Variants in PAPPA2 observed in about 807,000 individuals in gnomAD.
PAPPA2 encodes pappalysin 2, also known as pappalysin-2.
Under a neutral mutation model 176.4 loss-of-function variants are expected in PAPPA2, and 86 were observed. The observed-to-expected ratio is 0.49, with a 90% CI of 0.41 to 0.58. The LOEUF (loss-of-function observed/expected upper bound fraction) is 0.58. PAPPA2 is among the 20% of genes least tolerant of loss of function. The pLI is 0.00. For synonymous variants in PAPPA2, 809 were observed against 852.2 expected (o/e 0.95, Z 0.88); for missense variants, 2,073 against 2,256.9 (o/e 0.92, Z 1.65).
At chr1:176,772,554 C>T (rs904617404) in intron 17 of PAPPA2, among the ~76,000 whole-genome samples, 1 of 152,130 alleles carries the variant, frequency 6.6e-6, no homozygotes, top group African/African-American at 2.4e-5. Context: ...GGCCCAGGCT[C>T]ATATGTGGGA....
intron 3 of PAPPA2, among the ~76,000 whole-genome samples, chr1:176,596,762 G>T (rs1654009251): frequency 6.6e-6 from 1 of 152,180 alleles, no homozygotes; most frequent in Admixed American, 6.5e-5. Context: ...TGTGTCTCTT[G>T]TTCTGAGACA....
chr1:176,709,298 A>T (rs1661031864), intron 10 of PAPPA2, among the ~76,000 whole-genome samples: 1 of 152,146 alleles, frequency 6.6e-6, no homozygotes, highest in Non-Finnish European at 1.5e-5. Context: ...TTAATGCTCT[A>T]TTGCTTACCT....
Position 176,739,698 on chromosome 1 carries a change from G to C in PAPPA2, c.3871G>C (p.Glu1291Gln). 1 of 1,613,674 alleles carries C rather than the reference G, an allele frequency of 6.2e-7. No individual in the cohort carries two copies. Among genetic ancestry groups the C allele is most frequent in the South Asian group, 1.1e-5 (1 of 91,064 alleles). Residue 1291 changes from glutamate (E) to glutamine (Q), a missense_variant, in exon 13 of 23, where the codon GAG becomes CAG. Around this residue, in one of 4 missense-constraint regions of PAPPA2, gnomAD observed 846 missense variants for 857.9 expected, o/e 0.99. Coordinates refer to ENST00000367662, the MANE Select transcript of PAPPA2 (RefSeq NM_020318.3). ...GACAACTGATGGCCTAGTTCCCGGA[G>C]AGCATCAGCAGCCGACAGTGACTCT... ...FLTTDGLVPG[E>Q]HQQPTVTLYL...
At chr1:176,646,895 A>G (rs1413359731) in intron 3 of PAPPA2, among the ~76,000 whole-genome samples, 1 of 151,624 alleles carries the variant, frequency 6.6e-6, no homozygotes, top group Non-Finnish European at 1.5e-5. Flanking sequence ...TCTCTTTGAT[A>G]TACTGATTTC....
At chr1:176,693,221 C>T (rs1391888678) in intron 6 of PAPPA2, among the ~76,000 whole-genome samples, 1 of 152,150 alleles carries the variant, frequency 6.6e-6, no homozygotes. Context: ...CTATTTGTGG[C>T]ACTATATGTG....
intron 1 of PAPPA2, among the ~76,000 whole-genome samples, chr1:176,516,274 CTTTT>C (rs201764654): frequency 2.8e-5 from 4 of 140,776 alleles, no homozygotes; most frequent in Non-Finnish European, 3.1e-5. Flanking sequence ...GAGTTTAATT[CTTTT>C]TTTTTTTTTT....
intron 2 of PAPPA2, among the ~76,000 whole-genome samples, chr1:176,562,891 C>T (rs1021753835): frequency 6.6e-5 from 10 of 152,294 alleles, no homozygotes; most frequent in Middle Eastern, 6.8e-3. Flanking sequence ...GACTATGACC[C>T]TTTTTCTCGA....
intron 19 of PAPPA2, 85 bp from the exon 20 acceptor site, chr1:176,793,474 TA>T: frequency 8.4e-7 from 1 of 1,195,768 alleles, no homozygotes; most frequent in Non-Finnish European, 1.2e-6. Flanking sequence ...AGTTGTTCTT[TA>T]AAAACTCAAA....
At chr1:176,552,335 C>A (rs1651010967) in intron 1 of PAPPA2, among the ~76,000 whole-genome samples, 1 of 151,052 alleles carries the variant, frequency 6.6e-6, no homozygotes, top group African/African-American at 2.4e-5. Context: ...TCTCCCCTCC[C>A]CCTCGCCTTG....
chr1:176,666,604 T>TGAGAGA (rs1296541564), intron 3 of PAPPA2, among the ~76,000 whole-genome samples: 3 of 119,884 alleles, frequency 2.5e-5, no homozygotes, highest in African/African-American at 1.0e-4. Context: ...TGTGTGTGTG[T>TGAGAGA]GTGTGAGAGA....
intron 21 of PAPPA2, among the ~76,000 whole-genome samples, chr1:176,816,171 T>C (rs1666381046): frequency 8.3e-6 from 1 of 121,138 alleles, no homozygotes; most frequent in East Asian, 2.5e-4. Context: ...TATATATATA[T>C]ATATATATAT....
In PAPPA2 at chr1:176,765,684, T is replaced by C. The variant is rs1663931813; in HGVS notation, c.4170T>C (p.Cys1390=). Residue 1390 remains cysteine, a synonymous_variant, in exon 15 of 23, where the codon TGT becomes TGC. Transcript: ENST00000367662. Reference sequence around the variant, plus strand: ...ATCCCAGCTGTATCCATCGGCCCTGTGGGAAGCAGGACAGCTGTCCGTCAT... The same window carrying C: ...ATCCCAGCTGTATCCATCGGCCCTGCGGGAAGCAGGACAGCTGTCCGTCAT... ...HQGQSCIHRP[C]GKQDSCPSLL... is the part of the protein sequence containing the mutation. 6.2e-7 allele frequency: 1 copy of C among 1,614,054 alleles called. No homozygotes were observed. Among genetic ancestry groups the C allele is most frequent in the Non-Finnish European group, 8.5e-7 (1 of 1,179,998 alleles).
intron 3 of PAPPA2, among the ~76,000 whole-genome samples, chr1:176,605,939 A>G (rs1654587406): frequency 6.6e-6 from 1 of 152,098 alleles, no homozygotes; most frequent in African/African-American, 2.4e-5. Flanking sequence ...ATTCTTGGTG[A>G]TGTAACTCCC....
chr1:176,669,256 T>A (rs1448206829), intron 3 of PAPPA2, among the ~76,000 whole-genome samples: 4 of 152,170 alleles, frequency 2.6e-5, no homozygotes. Flanking sequence ...ATGCTCAGTC[T>A]CTGATTCTCT....
chr1:176,597,543 G>A (rs1338791075), intron 3 of PAPPA2, among the ~76,000 whole-genome samples: 1 of 152,114 alleles, frequency 6.6e-6, no homozygotes, highest in Non-Finnish European at 1.5e-5. Context: ...ATGGGCTGGG[G>A]GGCTAGGGGA....
intron 1 of PAPPA2, among the ~76,000 whole-genome samples, chr1:176,538,074 T>A (rs1293139053): frequency 6.6e-6 from 1 of 152,134 alleles, no homozygotes; most frequent in Non-Finnish European, 1.5e-5. Context: ...TTATTCACCT[T>A]CTCAATATAG....
At chr1:176,609,388 CAATGAATAAACA>C (rs1318356216) in intron 3 of PAPPA2, among the ~76,000 whole-genome samples, 1 of 151,918 alleles carries the variant, frequency 6.6e-6, no homozygotes, top group African/African-American at 2.4e-5. Flanking sequence ...GTAAGACAGG[CAATGAATAAACA>C]AATGTGTAGA....
chr1:176,683,894 A>G (rs1219044531), intron 4 of PAPPA2, among the ~76,000 whole-genome samples: 1 of 152,150 alleles, frequency 6.6e-6, no homozygotes, highest in Non-Finnish European at 1.5e-5. Flanking sequence ...TCAAGGTACA[A>G]TCAACTTTAT....
intron 21 of PAPPA2, among the ~76,000 whole-genome samples, chr1:176,826,216 T>C (rs2102979105): frequency 1.3e-5 from 2 of 152,288 alleles, no homozygotes; most frequent in South Asian, 4.1e-4. Flanking sequence ...AAATGACTTT[T>C]AGAAAATACA....
Sources: allele counts gnomAD v4.1 joint callset (sites outside exome capture counted in the v4.1 genomes callset), GRCh38; gene constraint gnomAD v4.1.1; regional missense constraint gnomAD v4.1.1; transcripts MANE v1.5; gene names NCBI Gene and HGNC (gene_info 2026-07-23, HGNC 2026-07-21).